IFT140: variants seen among roughly 807,000 people sequenced by gnomAD.
IFT140 encodes the protein intraflagellar transport 140.
In IFT140, 133 loss-of-function variants were observed where a neutral mutation model predicts 164.6. That is an observed-to-expected ratio of 0.81 (90% CI 0.70 to 0.93). The LOEUF is 0.93. IFT140 is among the 40% of genes least tolerant of loss of function. The pLI is 0.00. For missense variants in IFT140, 2,045 were observed against 1,972.3 expected, an observed-to-expected ratio of 1.04 and a Z score of -0.70; for synonymous variants, 860 against 817.3, an observed-to-expected ratio of 1.05 and a Z score of -0.89.
chr16:1,534,690 G>T (rs2030885540), intron 19 of IFT140: 8 of 1,282,674 alleles, frequency 6.2e-6, no homozygotes, highest in South Asian at 1.3e-5. Flanking sequence ...CTCTGGGCAG[G>T]CAGGAGGGGG....
At chr16:1,586,334 C>A (rs1297706690) in intron 9 of IFT140, 59 bp from the exon 10 acceptor site, 2 of 1,530,830 alleles carry the variant, frequency 1.3e-6, no homozygotes, top group African/African-American at 1.4e-5. Context: ...AAAACAGCAA[C>A]AAGCTCTGTT....
chr16:1,540,919 GCACA>G (rs1256477798), intron 19 of IFT140: 5 of 985,308 alleles, frequency 5.1e-6, no homozygotes, highest in Non-Finnish European at 6.0e-6. Context: ...GTGTCTGTCA[GCACA>G]CACATTGTCT....
At chr16:1,585,519 A>G (rs2141830841) in intron 10 of IFT140, among the ~76,000 whole-genome samples, 1 of 152,248 alleles carries the variant, frequency 6.6e-6, no homozygotes, top group Middle Eastern at 3.4e-3. Context: ...TATACCAAAA[A>G]CCACTTTGTA....
chr16:1,566,092 C>T, intron 16 of IFT140, 69 bp downstream of exon 16: 39 of 1,538,686 alleles, frequency 2.5e-5, no homozygotes, highest in Non-Finnish European at 3.4e-5. Context: ...TAGCAACAAC[C>T]CGCCCAGAAG....
rs2030786731 is a variant in IFT140, at chr16:1,533,988, C to T, written c.2400-7192G>A. ...GCCTCCGCTTCCCGGGAAGACGGCG[C>T]ACTCCTGGCCCTGGGTTCTTGCTGC... On this transcript the variant is annotated intron_variant, in intron 19 of 30. Coordinates refer to ENST00000426508, the MANE Select transcript of IFT140 (RefSeq NM_014714.4). This position sits in a 1 kb window ranked among gnomAD's most constrained non-coding sequence, Gnocchi z 4.7. The T allele has an allele frequency of 4.3e-6, 2 of 469,698 alleles. No individual in the cohort carries two copies. Among genetic ancestry groups the T allele is most frequent in the East Asian group, 4.1e-5 (1 of 24,410 alleles). The allele number at this position is 469,698 out of a possible 1,614,324, so 29.1% of individuals were successfully genotyped here.
In IFT140 at chr16:1,551,026, GT is replaced by G. The variant is rs1419557627; in HGVS notation, c.2399+6908del. ...CTACGTGATCTGGCCAAAGGGCTCT[GT>G]CCCTTTGAGGGGTCCTGGTCACTCA... On this transcript the variant is annotated intron_variant, in intron 19 of 30. Coordinates refer to ENST00000426508, the MANE Select transcript of IFT140 (RefSeq NM_014714.4). The surrounding 1 kb of genome is among the most constrained non-coding windows in gnomAD (Gnocchi z 4.0). 5.9e-5 allele frequency among the ~76,000 whole-genome samples: 9 copies of G among 152,190 alleles called. No individual in the cohort carries two copies. The highest frequency in any genetic ancestry group is 2.2e-4 in the African/African-American group (9 of 41,454).
chr16:1,534,402 G>A lies in IFT140; in HGVS notation c.2400-7606C>T, dbSNP rs776365566. 2.8e-5 allele frequency: 45 copies of A among 1,612,688 alleles called. No homozygotes were observed. The African/African-American group carries it at 3.6e-4, about 13-fold the overall frequency. On this transcript the variant is annotated intron_variant, in intron 19 of 30. Coordinates refer to ENST00000426508, the MANE Select transcript of IFT140 (RefSeq NM_014714.4). ...GCTGGAGGATGGGCGCAGGCGCAGC[G>A]TGGGGCTGTGGAGGTCCTGCTGGCT... is the stretch of plus-strand genomic sequence containing the variant.
chr16:1,586,087 T>C (rs2034860842), intron 10 of IFT140, 43 bp downstream of exon 10: 10 of 1,604,084 alleles, frequency 6.2e-6, no homozygotes, highest in Non-Finnish European at 5.1e-6. Context: ...TCCACTTTCA[T>C]GCAGCAGAAA....
chr16:1,555,285 C>T, intron 19 of IFT140: 1 of 479,374 alleles, frequency 2.1e-6, no homozygotes, highest in African/African-American at 1.9e-5. Context: ...ACACGCACTT[C>T]AGGGTGGAAG....
intron 2 of IFT140, among the ~76,000 whole-genome samples, chr16:1,609,061 A>G (rs2036216497): frequency 6.6e-6 from 1 of 152,088 alleles, no homozygotes; most frequent in Admixed American, 6.6e-5. Context: ...AGGCTGAGAC[A>G]TGAGAATCGC....
chr16:1,572,042 G>A (rs1053392322), intron 13 of IFT140, among the ~76,000 whole-genome samples: 1 of 152,016 alleles, frequency 6.6e-6, no homozygotes. Context: ...GGGAGAGGAA[G>A]GATGCTAGTT....
intron 4 of IFT140, among the ~76,000 whole-genome samples, chr16:1,600,347 C>T (rs1384738340): frequency 7.1e-6 from 1 of 141,340 alleles, no homozygotes; most frequent in Non-Finnish European, 1.5e-5. Flanking sequence ...CCTAGGAAAA[C>T]CAGAGACCTT....
intron 19 of IFT140, among the ~76,000 whole-genome samples, chr16:1,545,365 C>T (rs1464315524): frequency 6.6e-6 from 1 of 152,220 alleles, no homozygotes; most frequent in Non-Finnish European, 1.5e-5. Context: ...GCCACCTCTC[C>T]CCCTCAGTGT....
At chr16:1,526,170 T>C in intron 20 of IFT140, 93 bp from the exon 21 acceptor site, 1 of 1,210,432 alleles carries the variant, frequency 8.3e-7, no homozygotes, top group Non-Finnish European at 1.2e-6. Context: ...CACCGCACCT[T>C]CCCACACCGC....
chr16:1,539,068 C>T (rs1169898901), intron 19 of IFT140, among the ~76,000 whole-genome samples: 1 of 151,364 alleles, frequency 6.6e-6, no homozygotes, highest in African/African-American at 2.4e-5. Context: ...CCTCAGGCCT[C>T]AGCAAGCTGC....
chr16:1,605,068 T>A (rs1354871470), intron 3 of IFT140, among the ~76,000 whole-genome samples: 1 of 152,118 alleles, frequency 6.6e-6, no homozygotes, highest in African/African-American at 2.4e-5. Context: ...AGGAGATGTA[T>A]GTCTGCAAGC....
chr16:1,515,102 A>G (rs2040300277), intron 30 of IFT140, among the ~76,000 whole-genome samples: 1 of 152,214 alleles, frequency 6.6e-6, no homozygotes, highest in East Asian at 1.9e-4. Flanking sequence ...TCTACTAGAT[A>G]TGGAAGACCT....
chr16:1,525,080 C>T, intron 22 of IFT140, 151 bp downstream of exon 22: 4 of 1,187,850 alleles, frequency 3.4e-6, no homozygotes, highest in Non-Finnish European at 4.7e-6. Flanking sequence ...GAGGGCCTGG[C>T]TCAGGGCCCT....
In IFT140 at chr16:1,607,277, A is replaced by C. The variant is rs2036124170; in HGVS notation, c.-11T>G. 6.2e-7 allele frequency: 1 copy of C among 1,610,248 alleles called. No individual in the cohort carries two copies. Among genetic ancestry groups the C allele is most frequent in the African/African-American group, 1.3e-5 (1 of 74,720 alleles). Reference sequence around the variant, plus strand: ...ATAATAGAGGGCCATGACGGAACTCAGGCCTCCTCAGCGCTGAAACCTGCA... The same window carrying C: ...ATAATAGAGGGCCATGACGGAACTCCGGCCTCCTCAGCGCTGAAACCTGCA... On this transcript the variant is annotated 5_prime_UTR_variant, in exon 3 of 31. Transcript: ENST00000426508.
Sources: allele counts gnomAD v4.1 joint callset (sites outside exome capture counted in the v4.1 genomes callset), GRCh38; gene constraint gnomAD v4.1.1; non-coding constraint Gnocchi (gnomAD v3.1); transcripts MANE v1.5; gene names NCBI Gene and HGNC (gene_info 2026-07-23, HGNC 2026-07-21).